The following VPS26A variants were observed in gnomAD, a reference collection of about 807,000 sequenced individuals.
VPS26A encodes vacuolar protein sorting-associated protein 26A.
VPS26A carries 22 observed loss-of-function variants against 42.4 expected under a neutral mutation model. That is an observed-to-expected ratio of 0.52 (90% confidence interval 0.37 to 0.74). The LOEUF (loss-of-function observed/expected upper bound fraction) is 0.74, where lower values mean the gene tolerates loss of function less well. VPS26A is among the 30% of genes least tolerant of loss of function. The probability of loss-of-function intolerance (pLI) is 0.00; values close to 1 mark genes in which losing one functional copy is unlikely to be tolerated. For synonymous variants in VPS26A, 110 were observed against 123.5 expected (o/e 0.89, Z 0.73); for missense variants, 276 against 379.2 (o/e 0.73, Z 2.26).
intron 7 of VPS26A, 21 bp from the exon 8 acceptor site, chr10:69,168,468 T>C: frequency 1.2e-6 from 2 of 1,607,862 alleles, no homozygotes; most frequent in Non-Finnish European, 1.7e-6. Flanking sequence ...TAGAATTAAG[T>C]AGAAATTCCT....
rs1158838874 is a variant in VPS26A at position 69,173,813 on chromosome 10, C to A, written c.*2544C>A. On this transcript the variant is annotated 3_prime_UTR_variant, in exon 9 of 9. Transcript: ENST00000263559. Reference sequence around the variant, plus strand: ...TCCAGGAGTTCGAGACCAGCCTGACCAACGTGGAGAAACTCCATCTCTACC... The same window carrying A: ...TCCAGGAGTTCGAGACCAGCCTGACAAACGTGGAGAAACTCCATCTCTACC... 6.6e-6 allele frequency among the ~76,000 whole-genome samples: 1 copy of A among 152,206 alleles called. No homozygotes were observed. Among genetic ancestry groups the A allele is most frequent in the Non-Finnish European group, 1.5e-5 (1 of 68,036 alleles).
At position 69,124,290 on chromosome 10, in the gene VPS26A, C is replaced by A; in HGVS notation, c.3+10C>A. 7.9e-7 allele frequency: 1 copy of A among 1,257,868 alleles called. No individual in the cohort carries two copies. The allele number at this position is 1,257,868 out of a possible 1,614,324, so 77.9% of individuals were successfully genotyped here. On this transcript the variant is annotated intron_variant, in intron 1 of 8. Coordinates refer to ENST00000263559, the MANE Select transcript of VPS26A (RefSeq NM_004896.5). ...GGCGGCGTTGACAATGGTGAGTGCG[C>A]GGCGGCCAGCGCGCTCGCCTCCCGC...
chr10:69,160,327 T>C (rs1269278663), intron 5 of VPS26A, among the ~76,000 whole-genome samples: 1 of 151,238 alleles, frequency 6.6e-6, no homozygotes, highest in Non-Finnish European at 1.5e-5. Flanking sequence ...GCCTGGCTAA[T>C]TTTTGTATTT....
intron 2 of VPS26A, among the ~76,000 whole-genome samples, chr10:69,137,467 T>TAAG (rs1330423562): frequency 6.6e-6 from 1 of 152,166 alleles, no homozygotes; most frequent in Non-Finnish European, 1.5e-5. Flanking sequence ...GATACCCTTG[T>TAAG]TTCTTGTGCA....
Position 69,173,754 on chromosome 10 carries a change from C to T in VPS26A, c.*2485C>T, listed in dbSNP as rs935485594. Among the ~76,000 whole-genome samples, 1 of 152,198 alleles carries T rather than the reference C, an allele frequency of 6.6e-6. No homozygotes were observed. Among genetic ancestry groups the T allele is most frequent in the Non-Finnish European group, 1.5e-5 (1 of 68,038 alleles). Reference sequence around the variant, plus strand: ...GTGGCTCACGCCTGTAATCCCAGCACTTTGGGAGGCTGAGGCGGGCAGATC... The same window carrying T: ...GTGGCTCACGCCTGTAATCCCAGCATTTTGGGAGGCTGAGGCGGGCAGATC... On this transcript the variant is annotated 3_prime_UTR_variant, in exon 9 of 9. Transcript: ENST00000263559.
chr10:69,149,727 G>GTGTT (rs1841249941), intron 2 of VPS26A, among the ~76,000 whole-genome samples: 2 of 93,964 alleles, frequency 2.1e-5, no homozygotes, highest in Admixed American at 1.2e-4. Flanking sequence ...CTTTCTTGGT[G>GTGTT]TTTTTTGTTT....
chr10:69,163,346 C>T (rs1346846220), intron 6 of VPS26A, among the ~76,000 whole-genome samples: 3 of 152,204 alleles, frequency 2.0e-5, no homozygotes, highest in Non-Finnish European at 2.9e-5. Flanking sequence ...TCTCGAACTC[C>T]TGGGCTCAAG....
At position 69,172,070 on chromosome 10, in the gene VPS26A, T is replaced by C. The variant is rs764890858; in HGVS notation, c.*801T>C. 6.6e-6 allele frequency: 1 copy of C among 152,246 alleles called. No homozygotes were observed. Among genetic ancestry groups the C allele is most frequent in the Non-Finnish European group, 1.5e-5 (1 of 68,038 alleles). 9.4% of individuals were successfully genotyped at this position (152,246 alleles called of 1,614,324 possible). On this transcript the variant is annotated 3_prime_UTR_variant, in exon 9 of 9. Transcript: ENST00000263559. Reference sequence around the variant, plus strand: ...AGATTTGTTAAAACTATTTTTTCCATAAATACTTTGAAACATATTTATATA... The same window carrying C: ...AGATTTGTTAAAACTATTTTTTCCACAAATACTTTGAAACATATTTATATA...
At position 69,162,295 on chromosome 10, in the gene VPS26A, A is replaced by G. The variant is rs1589363212; in HGVS notation, c.552-111A>G. On this transcript the variant is annotated intron_variant, in intron 5 of 8. Transcript: ENST00000263559. ...AAGAGCCACTGTGCCCAGCCTCAAA[A>G]TGGCTTAAGTAATTATACTAAAGAT... 5 of 552,956 alleles carry G rather than the reference A, an allele frequency of 9.0e-6. No individual in the cohort carries two copies. In the East Asian group the frequency reaches 1.7e-4, roughly 19 times the overall value. 34.3% of individuals were successfully genotyped at this position (552,956 alleles called of 1,614,324 possible). A position where few individuals can be genotyped will look rare whatever the true frequency, so the allele number is the denominator to read the frequency against.
rs779521140 is a variant in VPS26A, at chr10:69,171,152, C to T, written c.871-4C>T. The T allele has an allele frequency of 6.2e-7, 1 of 1,605,170 alleles. No individual in the cohort carries two copies. The highest frequency in any genetic ancestry group is 8.5e-7 in the Non-Finnish European group (1 of 1,176,080). On this transcript the variant is annotated splice_region_variant and splice_polypyrimidine_tract_variant and intron_variant, in intron 8 of 8. Coordinates refer to ENST00000263559, the MANE Select transcript of VPS26A (RefSeq NM_004896.5). ...TTTGTTAATATCTTGCATTTGTTTA[C>T]TAGGAGATAATTTTATGGAGAAAAG... is the stretch of plus-strand genomic sequence containing the variant.
At chr10:69,132,876 G>T in intron 1 of VPS26A, 22 bp from the exon 2 acceptor site, 2 of 1,569,958 alleles carry the variant, frequency 1.3e-6, no homozygotes, top group South Asian at 2.4e-5. Context: ...TGATAATTAT[G>T]ACCATTTTCA....
chr10:69,173,142 T>G lies in VPS26A; in HGVS notation c.*1873T>G, dbSNP rs1362326525. Among the ~76,000 whole-genome samples the G allele has an allele frequency of 6.6e-6, 1 of 152,170 alleles. No homozygotes were observed. Among genetic ancestry groups the G allele is most frequent in the Admixed American group, 6.5e-5 (1 of 15,272 alleles). On this transcript the variant is annotated 3_prime_UTR_variant, in exon 9 of 9. Transcript: ENST00000263559. ...CAAATTTAATATTTGGTGATTTCAG[T>G]CAAAAGTCAGCCAGCTAATTAGAAG...
At chr10:69,135,085 T>G (rs1159538773) in intron 2 of VPS26A, among the ~76,000 whole-genome samples, 12 of 151,628 alleles carry the variant, frequency 7.9e-5, no homozygotes, top group Non-Finnish European at 1.3e-4. Flanking sequence ...AATCTAGCTT[T>G]CTTTCTAGGG....
intron 2 of VPS26A, among the ~76,000 whole-genome samples, chr10:69,135,092 AGGGAGAGACT>A (rs1431031976): frequency 6.6e-6 from 1 of 152,184 alleles, no homozygotes; most frequent in African/African-American, 2.4e-5. Flanking sequence ...CTTTCTTTCT[AGGGAGAGACT>A]GAACCTAGCA....
chr10:69,131,462 C>T (rs1479959462), intron 1 of VPS26A, among the ~76,000 whole-genome samples: 3 of 151,456 alleles, frequency 2.0e-5, no homozygotes, highest in South Asian at 4.3e-4. Flanking sequence ...GGGCCGGGCG[C>T]GGTGGCTCAT....
intron 1 of VPS26A, among the ~76,000 whole-genome samples, chr10:69,129,726 T>C (rs1050871865): frequency 6.6e-6 from 1 of 152,040 alleles, no homozygotes; most frequent in Non-Finnish European, 1.5e-5. Flanking sequence ...GGTTTCACCG[T>C]GTTAGCCAGG....
At chr10:69,135,377 G>C (rs1381286214) in intron 2 of VPS26A, among the ~76,000 whole-genome samples, 1 of 152,178 alleles carries the variant, frequency 6.6e-6, no homozygotes, top group African/African-American at 2.4e-5. Context: ...TGGGATAAAG[G>C]AAAAGGGGGG....
At position 69,162,438 on chromosome 10, in the gene VPS26A, T is replaced by G; in HGVS notation, c.584T>G (p.Ile195Ser). 1 of 1,550,632 alleles carries G rather than the reference T, an allele frequency of 6.4e-7. No individual in the cohort carries two copies. The highest frequency in any genetic ancestry group is 8.9e-7 in the Non-Finnish European group (1 of 1,129,100). Reference protein sequence around the residue: ...YHLKDVIVGKIYFLLVRIKIQ... With the variant: ...YHLKDVIVGKSYFLLVRIKIQ... ...TTAAAGGATGTGATTGTTGGAAAAA[T>G]TTACTTCTTATTAGTAAGAATAAAA... The change falls in exon 6 of 9, where the codon ATT becomes AGT. Residue 195 changes from isoleucine to serine, a missense_variant. Transcript: ENST00000263559.
intron 8 of VPS26A, among the ~76,000 whole-genome samples, chr10:69,170,583 T>C (rs1285588775): frequency 2.0e-5 from 3 of 152,090 alleles, no homozygotes; most frequent in Middle Eastern, 3.2e-3. Flanking sequence ...TTGGATTGCA[T>C]TGGAGGCAGA....
Sources: allele counts gnomAD v4.1 joint callset (sites outside exome capture counted in the v4.1 genomes callset), GRCh38; gene constraint gnomAD v4.1.1; transcripts MANE v1.5; gene names NCBI Gene and HGNC (gene_info 2026-07-23, HGNC 2026-07-21).